RORA: variants seen among roughly 807,000 people sequenced by gnomAD.
RORA encodes the protein RAR related orphan receptor A.
Under a neutral mutation model 69.5 loss-of-function variants are expected in RORA, and 7 were observed. The observed-to-expected ratio is 0.10, with a 90% CI of 0.06 to 0.19. RORA has a LOEUF of 0.19. Ranked by LOEUF, RORA falls within the 10% of genes least tolerant of loss-of-function variation. The pLI is 1.00. For missense variants in RORA, 457 were observed against 663.0 expected (o/e 0.69, Z 3.41); for synonymous variants, 261 against 240.8 (o/e 1.08, Z -0.78).
At chr15:61,188,963 A>C (rs1445978198) in intron 1 of RORA, among the ~76,000 whole-genome samples, 1 of 152,228 alleles carries the variant, frequency 6.6e-6, no homozygotes, top group African/African-American at 2.4e-5. Context: ...GGAAGAAAAA[A>C]TTGTGTAAGC....
chr15:61,082,877 G>A (rs192338128), intron 1 of RORA, among the ~76,000 whole-genome samples: 1 of 152,134 alleles, frequency 6.6e-6, no homozygotes, highest in South Asian at 2.1e-4. Context: ...GAAAGAATTG[G>A]AGAGTGTTGT....
At chr15:61,148,778 T>G (rs1443161770) in intron 1 of RORA, among the ~76,000 whole-genome samples, 1 of 152,154 alleles carries the variant, frequency 6.6e-6, no homozygotes, top group East Asian at 1.9e-4. Flanking sequence ...AAAATTAGAT[T>G]AGAATGGGAT....
intron 2 of RORA, among the ~76,000 whole-genome samples, chr15:60,560,198 A>C (rs1226304009): frequency 6.6e-6 from 1 of 152,218 alleles, no homozygotes; most frequent in Non-Finnish European, 1.5e-5. Context: ...AAATTCTCAC[A>C]TAGCCACAAA....
chr15:61,025,286 C>T lies in RORA; in HGVS notation c.166+203767G>A, dbSNP rs78895737. Among the ~76,000 whole-genome samples, 13 of 152,286 alleles carry T rather than the reference C, an allele frequency of 8.5e-5. No individual in the cohort carries two copies. In the East Asian group the frequency reaches 1.7e-3, roughly 20 times the overall value. On this transcript the variant is annotated intron_variant, in intron 1 of 10. Transcript: ENST00000335670. ...CACGTCTCTGTCCACGCCTGAGGCTCGGTATCACAAAGCCTTGTGAAAACG... is the reference window on the plus strand; with the variant it reads ...CACGTCTCTGTCCACGCCTGAGGCTTGGTATCACAAAGCCTTGTGAAAACG...
chr15:60,841,949 T>TG (rs1309493567), intron 1 of RORA, among the ~76,000 whole-genome samples: 2 of 152,164 alleles, frequency 1.3e-5, no homozygotes, highest in African/African-American at 4.8e-5. Context: ...TCCCAGATGG[T>TG]GGCCTTCCCC....
At position 60,505,495 on chromosome 15, in the gene RORA, C is replaced by T; in HGVS notation, c.942+13G>A. ...TGCCTCAATCCTAGGAGGAAAAATTCCTCAGATCATACCTTGTTTTGATAG... is the reference window on the plus strand; with the variant it reads ...TGCCTCAATCCTAGGAGGAAAAATTTCTCAGATCATACCTTGTTTTGATAG... On this transcript the variant is annotated intron_variant, in intron 6 of 10. Transcript: ENST00000335670. 1 of 1,613,552 alleles carries T rather than the reference C, an allele frequency of 6.2e-7. No individual in the cohort carries two copies. The highest frequency in any genetic ancestry group is 8.5e-7 in the Non-Finnish European group (1 of 1,179,640).
At chr15:61,024,870 G>A (rs1008887582) in intron 1 of RORA, among the ~76,000 whole-genome samples, 1 of 152,206 alleles carries the variant, frequency 6.6e-6, no homozygotes, top group Non-Finnish European at 1.5e-5. Context: ...GGGATTAAAG[G>A]TGTGAGCCAC....
chr15:60,929,855 G>C (rs141238910), intron 1 of RORA, among the ~76,000 whole-genome samples: 20 of 152,142 alleles, frequency 1.3e-4, no homozygotes, highest in Admixed American at 2.6e-4. Flanking sequence ...GGAAGTCTAG[G>C]GAGGAGCCCA....
chr15:60,555,364 G>A (rs1291506756), intron 2 of RORA, among the ~76,000 whole-genome samples: 1 of 152,162 alleles, frequency 6.6e-6, no homozygotes, highest in Non-Finnish European at 1.5e-5. Context: ...AGGAGAGGGA[G>A]TGGGGCACTC....
At chr15:60,779,798 T>C (rs1442013930) in intron 1 of RORA, among the ~76,000 whole-genome samples, 1 of 152,204 alleles carries the variant, frequency 6.6e-6, no homozygotes, top group Non-Finnish European at 1.5e-5. Flanking sequence ...AGCACTGATA[T>C]TCTTTCCATT....
At chr15:61,190,023 A>G (rs1228113996) in intron 1 of RORA, among the ~76,000 whole-genome samples, 1 of 152,038 alleles carries the variant, frequency 6.6e-6, no homozygotes, top group African/African-American at 2.4e-5. Context: ...AATTTTTAAT[A>G]AAAAGAATAA....
intron 1 of RORA, among the ~76,000 whole-genome samples, chr15:60,963,032 C>T (rs1396977008): frequency 6.6e-6 from 1 of 152,206 alleles, no homozygotes; most frequent in Non-Finnish European, 1.5e-5. Flanking sequence ...CCTCTATGTT[C>T]CTACTACCAT....
intron 1 of RORA, among the ~76,000 whole-genome samples, chr15:61,196,437 G>T (rs2140921290): frequency 6.6e-6 from 1 of 152,292 alleles, no homozygotes; most frequent in East Asian, 1.9e-4. Context: ...CCTGTGCCTG[G>T]CCTCACAAGC....
At chr15:61,181,460 C>T (rs1286681327) in intron 1 of RORA, 1 of 151,794 alleles carries the variant, frequency 6.6e-6, no homozygotes, top group East Asian at 1.9e-4. Context: ...CAAAAAGCAG[C>T]ACTAAAGTGA....
chr15:61,083,718 C>A (rs1457578096), intron 1 of RORA, among the ~76,000 whole-genome samples: 2 of 151,938 alleles, frequency 1.3e-5, no homozygotes, highest in African/African-American at 2.4e-5. Flanking sequence ...TCTCCAAGCA[C>A]CTTCTCCCTT....
chr15:60,652,623 G>A (rs568892666), intron 2 of RORA, among the ~76,000 whole-genome samples: 1 of 152,260 alleles, frequency 6.6e-6, no homozygotes, highest in African/African-American at 2.4e-5. Flanking sequence ...CGGAAGAAAA[G>A]TAAATTGGCA....
intron 1 of RORA, among the ~76,000 whole-genome samples, chr15:60,903,891 A>G (rs533748174): frequency 1.1e-3 from 160 of 152,290 alleles, no homozygotes; most frequent in African/African-American, 3.8e-3. Flanking sequence ...TGCTTCATTG[A>G]TTTGATAAGT....
At chr15:60,907,956 T>G (rs560544777) in intron 1 of RORA, among the ~76,000 whole-genome samples, 7 of 152,338 alleles carry the variant, frequency 4.6e-5, no homozygotes, top group Non-Finnish European at 1.0e-4. Context: ...CTAATGGGAC[T>G]CCCTTGACTT....
chr15:60,693,234 C>G (rs1000486642), intron 1 of RORA, among the ~76,000 whole-genome samples: 6 of 152,132 alleles, frequency 3.9e-5, no homozygotes, highest in African/African-American at 1.2e-4. Context: ...AAAAGGCCTT[C>G]AATAAAAGTC....
Sources: allele counts gnomAD v4.1 joint callset (sites outside exome capture counted in the v4.1 genomes callset), GRCh38; gene constraint gnomAD v4.1.1; transcripts MANE v1.5; gene names NCBI Gene and HGNC (gene_info 2026-07-23, HGNC 2026-07-21).